The following C4orf51 variants were observed in gnomAD, a reference collection of about 807,000 sequenced individuals.
C4orf51 encodes uncharacterized protein C4orf51.
Under a neutral mutation model 25.2 loss-of-function variants are expected in C4orf51, and 25 were observed. The ratio of observed to expected loss-of-function variants is 0.99; its 90% CI spans 0.72 to 1.39. The LOEUF (loss-of-function observed/expected upper bound fraction) is 1.39, where lower values mean the gene tolerates loss of function less well. Ranked by LOEUF, C4orf51 falls within the 40% of genes most tolerant of loss-of-function variation. The probability of loss-of-function intolerance (pLI) is 0.00; values close to 1 mark genes in which losing one functional copy is unlikely to be tolerated. For synonymous variants in C4orf51, 100 were observed against 84.5 expected, an observed-to-expected ratio of 1.18 and a Z score of -1.01; for missense variants, 252 against 239.6, an observed-to-expected ratio of 1.05 and a Z score of -0.34.
At chr4:145,684,601 G>T (rs561938805) in intron 1 of C4orf51, among the ~76,000 whole-genome samples, 2 of 152,332 alleles carry the variant, frequency 1.3e-5, no homozygotes, top group East Asian at 3.9e-4. Context: ...CTATGGGCTT[G>T]GGCTGATAAT....
intron 4 of C4orf51, 86 bp from the exon 5 acceptor site, chr4:145,729,806 C>A: frequency 8.9e-7 from 1 of 1,119,902 alleles, no homozygotes; most frequent in Non-Finnish European, 1.4e-6. Context: ...TGATTTAAAA[C>A]AAGGTTTGGG....
rs1424681119 is a variant in C4orf51 at position 145,761,082 on chromosome 4, G to A, written n.167-9906G>A. 1.6e-6 allele frequency: 2 copies of A among 1,289,568 alleles called. No homozygotes were observed. Among genetic ancestry groups the A allele is most frequent in the Non-Finnish European group, 2.0e-6 (2 of 988,710 alleles). The allele number at this position is 1,289,568 out of a possible 1,614,324, so 79.9% of individuals were successfully genotyped here. On this transcript the variant is annotated intron_variant and non_coding_transcript_variant, in intron 1 of 1. Coordinates refer to the C4orf51 transcript ENST00000510096. This position sits in a 1 kb window ranked among gnomAD's most constrained non-coding sequence, Gnocchi z 6.8. ...CCTGGGAGGCAGACATAACTGACAG[G>A]GGAGACAGGAGATTCCGGGAGCTCC... is the stretch of plus-strand genomic sequence containing the variant.
At chr4:145,680,776 T>A (rs1009151042) in intron 1 of C4orf51, among the ~76,000 whole-genome samples, 1 of 152,214 alleles carries the variant, frequency 6.6e-6, no homozygotes, top group Non-Finnish European at 1.5e-5. Context: ...TTTCTGGCTT[T>A]CAGGAGCTTA....
intron 2 of C4orf51, among the ~76,000 whole-genome samples, chr4:145,722,023 A>G (rs1578988782): frequency 6.6e-6 from 1 of 152,330 alleles, no homozygotes; most frequent in East Asian, 1.9e-4. Flanking sequence ...TTTACAAAAT[A>G]TAATAGAACT....
intron 1 of C4orf51, among the ~76,000 whole-genome samples, chr4:145,688,047 C>CAA (rs35411144): frequency 1.3e-5 from 2 of 150,962 alleles, no homozygotes; most frequent in South Asian, 2.1e-4. Context: ...CTGCAAAAAT[C>CAA]AAAAAAATAG....
Position 145,765,639 on chromosome 4 carries a change from G to A in C4orf51, n.167-5349G>A, listed in dbSNP as rs768633380. On this transcript the variant is annotated intron_variant and non_coding_transcript_variant, in intron 1 of 1. Transcript: ENST00000510096. This position sits in a 1 kb window ranked among gnomAD's most constrained non-coding sequence, Gnocchi z 4.7. ...ATTGTTCCCGCCCTTGTTTTTCTGG[G>A]AGCCATCTGAATCATCTTTGCTGTT... 6.2e-7 allele frequency: 1 copy of A among 1,614,148 alleles called. No individual in the cohort carries two copies.
chr4:145,724,588 AT>A (rs1731933640), intron 2 of C4orf51, among the ~76,000 whole-genome samples: 1 of 152,186 alleles, frequency 6.6e-6, no homozygotes, highest in African/African-American at 2.4e-5. Context: ...ATAATTCGTC[AT>A]TAAAAAATCA....
chr4:145,748,612 GTTC>G (rs1733507732), intron 1 of C4orf51, among the ~76,000 whole-genome samples: 1 of 152,042 alleles, frequency 6.6e-6, no homozygotes, highest in East Asian at 1.9e-4. Context: ...ATTTTTCAAC[GTTC>G]TTCTTAATTT....
chr4:145,748,834 G>A (rs1733519596), intron 1 of C4orf51, among the ~76,000 whole-genome samples: 1 of 151,912 alleles, frequency 6.6e-6, no homozygotes, highest in African/African-American at 2.4e-5. Flanking sequence ...AGAAGAATGT[G>A]TTTTCTATAG....
Position 145,751,053 on chromosome 4 carries a change from T to C in C4orf51, n.168-3154T>C, listed in dbSNP as rs1345534962. On this transcript the variant is annotated intron_variant and non_coding_transcript_variant, in intron 1 of 1. Transcript: ENST00000508981. Reference sequence around the variant, plus strand: ...AATTCTGATTTCCTTCTCTGTGTTATCTTGAATTTCTCTGAGTTTCCTCAA... The same window carrying C: ...AATTCTGATTTCCTTCTCTGTGTTACCTTGAATTTCTCTGAGTTTCCTCAA... Among the ~76,000 whole-genome samples, 5 of 152,162 alleles carry C rather than the reference T, an allele frequency of 3.3e-5. No individual in the cohort carries two copies. In the East Asian group the frequency reaches 7.7e-4, roughly 23 times the overall value.
the C4orf51 span, among the ~76,000 whole-genome samples, chr4:145,791,964 CT>C: frequency 6.6e-6 from 1 of 152,008 alleles, no homozygotes; most frequent in Non-Finnish European, 1.5e-5. Context: ...TTCCCTTATA[CT>C]GCACACAATT....
downstream of C4orf51, among the ~76,000 whole-genome samples, chr4:145,733,336 G>A (rs961119233): frequency 5.3e-5 from 8 of 151,874 alleles, no homozygotes; most frequent in Non-Finnish European, 1.0e-4. Flanking sequence ...CCCCACCACC[G>A]CCCGCCTCGT....
intron 1 of C4orf51, among the ~76,000 whole-genome samples, chr4:145,687,075 G>A (rs1454527930): frequency 1.3e-5 from 2 of 152,084 alleles, no homozygotes; most frequent in African/African-American, 2.4e-5. Flanking sequence ...TAAGCTAAAG[G>A]GAAATGTCAA....
At chr4:145,790,748 ATTC>A in the C4orf51 span, among the ~76,000 whole-genome samples, 1 of 152,196 alleles carries the variant, frequency 6.6e-6, no homozygotes, top group African/African-American at 2.4e-5. Context: ...ACACTGCAAT[ATTC>A]TTGTGTGACT....
At chr4:145,696,818 A>G (rs889038804) in intron 2 of C4orf51, among the ~76,000 whole-genome samples, 186 bp downstream of exon 2, 4 of 152,134 alleles carry the variant, frequency 2.6e-5, no homozygotes, top group African/African-American at 9.7e-5. Flanking sequence ...GGATCACTTG[A>G]GGTCACGAGT....
At chr4:145,686,507 G>GTATATAACTGTATACAGT (rs1047828815) in intron 1 of C4orf51, among the ~76,000 whole-genome samples, 2 of 152,090 alleles carry the variant, frequency 1.3e-5, no homozygotes, top group African/African-American at 4.8e-5. Context: ...CCATCCCTCT[G>GTATATAACTGTATACAGT]TATATAACTG....
rs1735136133 is a variant in C4orf51 at position 145,765,404 on chromosome 4, T to TA, written n.167-5583dup. On this transcript the variant is annotated intron_variant and non_coding_transcript_variant, in intron 1 of 1. Transcript: ENST00000510096. This position sits in a 1 kb window ranked among gnomAD's most constrained non-coding sequence, Gnocchi z 4.7. ...CGGATTCAAATTAAGCCAAAAGAAA[T>TA]ACAACCTTTAGGTGAGGCCCAGCAT... 2 of 1,121,660 alleles carry TA rather than the reference T, an allele frequency of 1.8e-6. No homozygotes were observed. The highest frequency in any genetic ancestry group is 2.5e-6 in the Non-Finnish European group (2 of 806,430). The allele number at this position is 1,121,660 out of a possible 1,614,324, so 69.5% of individuals were successfully genotyped here.
chr4:145,781,301 A>G, the C4orf51 span, among the ~76,000 whole-genome samples: 1 of 151,948 alleles, frequency 6.6e-6, no homozygotes, highest in Non-Finnish European at 1.5e-5. Context: ...ATTTCACACA[A>G]TTTGGCTAAA....
At chr4:145,693,849 C>T (rs1205306737) in intron 1 of C4orf51, among the ~76,000 whole-genome samples, 1 of 120,404 alleles carries the variant, frequency 8.3e-6, no homozygotes, top group African/African-American at 3.2e-5. Context: ...GGCTGACCCC[C>T]CCCACCTCCC....
Sources: gnomAD v4.1 joint callset for allele counts (sites outside exome capture counted in the v4.1 genomes callset) on GRCh38, gnomAD v4.1.1 for gene constraint, Gnocchi (gnomAD v3.1) non-coding constraint, MANE v1.5 for transcripts, NCBI Gene and HGNC (gene_info 2026-07-23, HGNC 2026-07-21) for gene names.